The following C5orf58 variants were observed in gnomAD, a reference collection of about 807,000 sequenced individuals.
The protein encoded by C5orf58 is putative uncharacterized protein C5orf58.
A neutral mutation model predicts 2.9 loss-of-function variants in C5orf58; 2 were observed. That is an observed-to-expected ratio of 0.69 (90% CI 0.28 to 2.18). C5orf58 has a LOEUF of 2.18. Among genes scored for constraint, C5orf58 ranks in the 30% most tolerant of loss-of-function variants. The pLI is 0.13. For missense variants in C5orf58, 96 were observed against 91.7 expected (o/e 1.05, Z -0.19); for synonymous variants, 37 against 33.4 (o/e 1.11, Z -0.37).
At chr5:170,237,119 T>G (rs1760775464) in intron 3 of C5orf58, among the ~76,000 whole-genome samples, 1 of 152,218 alleles carries the variant, frequency 6.6e-6, no homozygotes, top group Admixed American at 6.5e-5. Flanking sequence ...ATGTAATAAC[T>G]ATGTGATAGA....
chr5:170,246,133 TTC>T lies in C5orf58; in HGVS notation c.*22_*23del. 1.9e-6 allele frequency: 3 copies of T among 1,590,260 alleles called. No homozygotes were observed. Among genetic ancestry groups the T allele is most frequent in the Non-Finnish European group, 2.6e-6 (3 of 1,164,956 alleles). ...ATCTGATTTCTTATTTGTTATGAGT[TTC>T]TGTTTTATTGTTGAACTAACAAATA... On this transcript the variant is annotated 3_prime_UTR_variant, in exon 4 of 4. Coordinates refer to ENST00000593851, the MANE Select transcript of C5orf58 (RefSeq NM_001102609.3).
chr5:170,240,526 G>T (rs1376646920), intron 3 of C5orf58, among the ~76,000 whole-genome samples: 1 of 151,738 alleles, frequency 6.6e-6, no homozygotes, highest in Non-Finnish European at 1.5e-5. Context: ...CTGATGGCCA[G>T]TGATGATGAG....
intron 3 of C5orf58, among the ~76,000 whole-genome samples, chr5:170,245,070 G>GA (rs1320561242): frequency 5.9e-5 from 9 of 152,128 alleles, no homozygotes; most frequent in East Asian, 1.9e-4. Context: ...CTGCTGGGGG[G>GA]TGCCTCCCAG....
chr5:170,244,557 C>G (rs1761166193), intron 3 of C5orf58, among the ~76,000 whole-genome samples: 1 of 152,146 alleles, frequency 6.6e-6, no homozygotes, highest in East Asian at 1.9e-4. Flanking sequence ...ACCCTTTCTT[C>G]CAGTTGATCT....
intron 1 of C5orf58, chr5:170,233,583 T>C (rs559142887): frequency 6.5e-6 from 1 of 154,958 alleles, no homozygotes; most frequent in South Asian, 2.0e-4. Context: ...GGCCCGGAGA[T>C]GGCGCTCTAG....
At position 170,239,099 on chromosome 5, in the gene C5orf58, G is replaced by C. The variant is rs1021581303; in HGVS notation, c.94+4029G>C. 2.6e-5 allele frequency among the ~76,000 whole-genome samples: 4 copies of C among 152,292 alleles called. No individual in the cohort carries two copies. The East Asian group carries it at 7.7e-4, about 29-fold the overall frequency. ...AGGAGAGGAGAGACGTTTAACAATAGAATAGCTAAGGTGTTGAATAACCCA... is the reference window on the plus strand; with the variant it reads ...AGGAGAGGAGAGACGTTTAACAATACAATAGCTAAGGTGTTGAATAACCCA... On this transcript the variant is annotated intron_variant, in intron 3 of 3. Transcript: ENST00000593851.
intron 1 of C5orf58, chr5:170,233,239 G>C (rs1196702247): frequency 6.6e-6 from 1 of 152,466 alleles, no homozygotes; most frequent in East Asian, 1.9e-4. Flanking sequence ...TCACTCTGAG[G>C]GCATTTTACA....
chr5:170,243,851 T>A (rs1761131661), intron 3 of C5orf58, among the ~76,000 whole-genome samples: 1 of 149,788 alleles, frequency 6.7e-6, no homozygotes. Flanking sequence ...TGCTCATTAG[T>A]TGATGCAGTT....
chr5:170,244,640 A>G (rs1581047653), intron 3 of C5orf58, among the ~76,000 whole-genome samples: 1 of 151,384 alleles, frequency 6.6e-6, no homozygotes, highest in South Asian at 2.1e-4. Context: ...CAGCTCCTTT[A>G]AGCACTTCTC....
At position 170,245,638 on chromosome 5, in the gene C5orf58, C is replaced by A. The variant is rs978057156; in HGVS notation, c.95-324C>A. 6.6e-5 allele frequency among the ~76,000 whole-genome samples: 10 copies of A among 152,364 alleles called. No individual in the cohort carries two copies. In the South Asian group the frequency reaches 1.7e-3, roughly 25 times the overall value. ...GCCTCGCCCTGCTTCGGCTCGCACA[C>A]CGTGCGCGCACCCACTGACCTGCGC... On this transcript the variant is annotated intron_variant, in intron 3 of 3. Coordinates refer to ENST00000593851, the MANE Select transcript of C5orf58 (RefSeq NM_001102609.3).
downstream of C5orf58, chr5:170,252,507 G>A (rs764019944): frequency 6.5e-7 from 1 of 1,529,508 alleles, no homozygotes; most frequent in South Asian, 1.2e-5. Flanking sequence ...TTCATTTAAT[G>A]AATTCTGAAA....
At chr5:170,248,718 C>A, downstream of C5orf58, 4 of 1,611,516 alleles carry the variant, frequency 2.5e-6, no homozygotes, top group Non-Finnish European at 3.4e-6. Context: ...CTGCAGCATG[C>A]GTTAATGTGC....
chr5:170,241,373 G>T (rs1359267396), intron 3 of C5orf58, among the ~76,000 whole-genome samples: 2 of 151,028 alleles, frequency 1.3e-5, no homozygotes, highest in African/African-American at 4.9e-5. Flanking sequence ...TGGGCAGTAT[G>T]GCCATTTTCA....
Position 170,234,111 on chromosome 5 carries a change from T to A in C5orf58, c.-84-4T>A. 7.3e-7 allele frequency: 1 copy of A among 1,365,924 alleles called. No homozygotes were observed. Among genetic ancestry groups the A allele is most frequent in the Non-Finnish European group, 9.8e-7 (1 of 1,020,352 alleles). The allele number at this position is 1,365,924 out of a possible 1,614,324, so 84.6% of individuals were successfully genotyped here. A position where few individuals can be genotyped will look rare whatever the true frequency, so the allele number is the denominator to read the frequency against. On this transcript the variant is annotated splice_polypyrimidine_tract_variant and splice_region_variant and intron_variant, in intron 1 of 3. Coordinates refer to ENST00000593851, the MANE Select transcript of C5orf58 (RefSeq NM_001102609.3). ...TTTTATTAATGTCTGGGAAACAAAATTAGTTTTTTTACAGTGGCTCTGAAA... is the reference window on the plus strand; with the variant it reads ...TTTTATTAATGTCTGGGAAACAAAAATAGTTTTTTTACAGTGGCTCTGAAA...
At chr5:170,249,809 T>G (rs1027460333), downstream of C5orf58, among the ~76,000 whole-genome samples, 8 of 152,214 alleles carry the variant, frequency 5.3e-5, no homozygotes, top group Non-Finnish European at 1.2e-4. Flanking sequence ...AACAGGATAA[T>G]GCACTTCCTT....
intron 3 of C5orf58, among the ~76,000 whole-genome samples, chr5:170,235,714 TAA>T (rs1760713640): frequency 6.6e-6 from 1 of 152,228 alleles, no homozygotes; most frequent in East Asian, 1.9e-4. Flanking sequence ...TGCTTTCACC[TAA>T]GAGTCCTATT....
intron 3 of C5orf58, among the ~76,000 whole-genome samples, chr5:170,238,796 A>G (rs1002455068): frequency 6.6e-6 from 1 of 152,220 alleles, no homozygotes. Flanking sequence ...ATGATTTCCA[A>G]CCTAGATTTC....
downstream of C5orf58, among the ~76,000 whole-genome samples, chr5:170,249,357 C>CGT (rs199770462): frequency 0.04 from 4,172 of 104,564 alleles, 94 homozygotes; most frequent in African/African-American, 0.071. Context: ...TATGTGCATG[C>CGT]GTGTGTATAT....
intron 3 of C5orf58, among the ~76,000 whole-genome samples, chr5:170,236,135 C>T (rs1760732301): frequency 6.6e-6 from 1 of 152,028 alleles, no homozygotes; most frequent in East Asian, 1.9e-4. Flanking sequence ...CTGGGACTGC[C>T]AAGACCAGTT....
Sources: gnomAD v4.1 joint callset for allele counts (sites outside exome capture counted in the v4.1 genomes callset) on GRCh38, gnomAD v4.1.1 for gene constraint, MANE v1.5 for transcripts, NCBI Gene and HGNC (gene_info 2026-07-23, HGNC 2026-07-21) for gene names.